NUAK2: variants seen among roughly 807,000 people sequenced by gnomAD.
The protein encoded by NUAK2 is NUAK family kinase 2, also known as NUAK family SNF1-like kinase 2.
NUAK2 carries 20 observed loss-of-function variants against 29.8 expected under a neutral mutation model. The observed-to-expected ratio is 0.67, with a 90% confidence interval of 0.47 to 0.98. The LOEUF (loss-of-function observed/expected upper bound fraction) is 0.98. Among genes scored for constraint, NUAK2 ranks in the 50% least tolerant of loss-of-function variants. NUAK2 has a pLI of 0.00. For synonymous variants in NUAK2, 331 were observed against 342.6 expected (o/e 0.97, Z 0.37); for missense variants, 719 against 834.5 (o/e 0.86, Z 1.71).
chr1:205,303,393 G>A lies in NUAK2; in HGVS notation c.*57C>T, dbSNP rs574970034. The A allele has an allele frequency of 2.3e-5, 34 of 1,447,996 alleles. No homozygotes were observed. In the South Asian group the frequency reaches 4.0e-4, roughly 17 times the overall value. 89.7% of individuals were successfully genotyped at this position (1,447,996 alleles called of 1,614,324 possible). A position where few individuals can be genotyped will look rare whatever the true frequency, so the allele number is the denominator to read the frequency against. On this transcript the variant is annotated 3_prime_UTR_variant, in exon 7 of 7. Transcript: ENST00000367157. ...GGTGGGGGAGAAGGCATCTCCCCTC[G>A]GGGTGCAACCAGCTGCATCTGAGAG...
chr1:205,318,500 C>T (rs976119470), intron 1 of NUAK2, among the ~76,000 whole-genome samples: 15 of 152,216 alleles, frequency 9.9e-5, no homozygotes, highest in African/African-American at 1.4e-4. Context: ...ATGAAGGACT[C>T]GGACCACCTC....
Position 205,308,111 on chromosome 1 carries a change from G to A in NUAK2, c.570+54C>T, listed in dbSNP as rs1662206390. ...TTAGAGCTACTTGGCTGGGGACAGT[G>A]CAGAAAAGCTGGGGTGGGCAAGGAG... On this transcript the variant is annotated intron_variant, in intron 4 of 6. Transcript: ENST00000367157. This position sits in a 1 kb window ranked among gnomAD's most constrained non-coding sequence, Gnocchi z 4.1. The A allele has an allele frequency of 1.6e-6, 2 of 1,228,558 alleles. No homozygotes were observed. Among genetic ancestry groups the A allele is most frequent in the East Asian group, 2.4e-5 (1 of 42,284 alleles). 76.1% of individuals were successfully genotyped at this position (1,228,558 alleles called of 1,614,324 possible).
At chr1:205,313,049 G>GGTTCT (rs1379176744) in intron 1 of NUAK2, among the ~76,000 whole-genome samples, 1 of 152,138 alleles carries the variant, frequency 6.6e-6, no homozygotes, top group Non-Finnish European at 1.5e-5. Flanking sequence ...ACAGAACGGT[G>GGTTCT]GTTACCAGGG....
Position 205,321,611 on chromosome 1 carries a change from G to A in NUAK2, c.18C>T (p.Phe6=). ...AGGGAGTGGGGCCGGAGCGCCGCGC[G>A]AAAACCAGCGACTCCATGGCGAGCA... is the stretch of plus-strand genomic sequence containing the variant. MESLV[F]ARRSGPTPSA... Residue 6 remains phenylalanine (F), a synonymous_variant, in exon 1 of 7, where the codon TTC becomes TTT. Coordinates refer to ENST00000367157, the MANE Select transcript of NUAK2 (RefSeq NM_030952.3). 3.7e-6 allele frequency: 6 copies of A among 1,609,460 alleles called. 1 individual carries two copies. Among genetic ancestry groups the A allele is most frequent in the Non-Finnish European group, 5.1e-6 (6 of 1,179,244 alleles).
At chr1:205,312,529 G>A (rs150729565) in intron 1 of NUAK2, among the ~76,000 whole-genome samples, 7 of 152,302 alleles carry the variant, frequency 4.6e-5, no homozygotes, top group Middle Eastern at 3.4e-3. Flanking sequence ...GTCTGGGTGC[G>A]GTAGCTCAAG....
Position 205,303,608 on chromosome 1 carries a change from G to T in NUAK2, c.1729C>A (p.Leu577Ile). The T allele has an allele frequency of 1.2e-6, 2 of 1,610,684 alleles. No homozygotes were observed. Among genetic ancestry groups the T allele is most frequent in the Non-Finnish European group, 1.7e-6 (2 of 1,178,872 alleles). ...GAGGGGGGCTCCTCAAGCCCCGTGA[G>T]GTTGTCCACAGACACACAGCCCCGC... ...PLRGCVSVDNLTGLEEPPSEG... is the reference protein window; with the variant it reads ...PLRGCVSVDNITGLEEPPSEG... The change falls in exon 7 of 7, where the codon CTC (leucine) becomes ATC (isoleucine). Residue 577 changes from leucine (L) to isoleucine (I), a missense_variant. By Grantham distance (5) the Leu-to-Ile change is conservative (BLOSUM62 2). Around this residue, in one of 3 missense-constraint regions of NUAK2, gnomAD observed 430 missense variants for 465.7 expected, o/e 0.92. Transcript: ENST00000367157.
At chr1:205,307,666 A>C (rs1662200988) in intron 4 of NUAK2, among the ~76,000 whole-genome samples, 1 of 152,238 alleles carries the variant, frequency 6.6e-6, no homozygotes, top group Admixed American at 6.5e-5. Context: ...TAAGCATGGA[A>C]ATCTAGCAGC....
chr1:205,303,372 G>A lies in NUAK2; in HGVS notation c.*78C>T, dbSNP rs535031953. The A allele has an allele frequency of 5.2e-4, 671 of 1,300,358 alleles. 2 individuals carry two copies. In the African/African-American group the frequency reaches 9.2e-3, roughly 18 times the overall value. 80.6% of individuals were successfully genotyped at this position (1,300,358 alleles called of 1,614,324 possible). A position where few individuals can be genotyped will look rare whatever the true frequency, so the allele number is the denominator to read the frequency against. On this transcript the variant is annotated 3_prime_UTR_variant, in exon 7 of 7. Transcript: ENST00000367157. ...GCTGGGATGCAGGTCCTGGGAGGTGGGGGAGAAGGCATCTCCCCTCGGGGT... is the reference window on the plus strand; with the variant it reads ...GCTGGGATGCAGGTCCTGGGAGGTGAGGGAGAAGGCATCTCCCCTCGGGGT...
At chr1:205,316,372 C>T (rs1558676179) in intron 1 of NUAK2, among the ~76,000 whole-genome samples, 1 of 152,166 alleles carries the variant, frequency 6.6e-6, no homozygotes, top group Non-Finnish European at 1.5e-5. Flanking sequence ...GGAGGACTGA[C>T]AATTAATTAA....
Position 205,302,763 on chromosome 1 carries a change from C to CAT in NUAK2, c.*686_*687insAT, listed in dbSNP as rs1558670183. ...AAAATTAGCCGGGCATGGTGGCGGG[C>CAT]GCCTGTAATCCCAGCTACTAGGGAG... On this transcript the variant is annotated 3_prime_UTR_variant, in exon 7 of 7. Coordinates refer to ENST00000367157, the MANE Select transcript of NUAK2 (RefSeq NM_030952.3). 6.6e-6 allele frequency: 1 copy of CAT among 151,868 alleles called. No homozygotes were observed. The highest frequency in any genetic ancestry group is 2.4e-5 in the African/African-American group (1 of 41,288). The allele number at this position is 151,868 out of a possible 1,614,324, so 9.4% of individuals were successfully genotyped here.
At chr1:205,309,192 T>G (rs1662222705) in intron 2 of NUAK2, among the ~76,000 whole-genome samples, 1 of 152,102 alleles carries the variant, frequency 6.6e-6, no homozygotes, top group Non-Finnish European at 1.5e-5. Context: ...TTTCCTCATT[T>G]GAAAAGCAGG....
At chr1:205,310,485 T>C (rs1375025635) in intron 2 of NUAK2, among the ~76,000 whole-genome samples, 1 of 152,192 alleles carries the variant, frequency 6.6e-6, no homozygotes, top group Non-Finnish European at 1.5e-5. Context: ...TTCTTATGTC[T>C]GTTGAATCTG....
Position 205,303,790 on chromosome 1 carries a change from G to A in NUAK2, c.1547C>T (p.Ala516Val), listed in dbSNP as rs35070935. ...CAGGGAGCCGAAGGTGGTGGGGGCCGCGAGCTCCAAGGCTGTCTGGGAGAA... is the reference window on the plus strand; with the variant it reads ...CAGGGAGCCGAAGGTGGTGGGGGCCACGAGCTCCAAGGCTGTCTGGGAGAA... ...GKFSQTALELAAPTTFGSLDE... is the reference protein window; with the variant it reads ...GKFSQTALELVAPTTFGSLDE... Residue 516 changes from alanine (A) to valine (V), a missense_variant, in exon 7 of 7, where the codon GCG becomes GTG. Ala to Val is a moderately conservative substitution (Grantham distance 64). Around this residue, in one of 3 missense-constraint regions of NUAK2, gnomAD observed 430 missense variants for 465.7 expected, o/e 0.92. Transcript: ENST00000367157. 0.027 allele frequency: 41,854 copies of A among 1,564,444 alleles called. 1,997 individuals are homozygous for A. Among genetic ancestry groups the A allele is most frequent in the African/African-American group, 0.16 (11,621 of 73,484 alleles).
intron 1 of NUAK2, among the ~76,000 whole-genome samples, chr1:205,314,151 T>G (rs1341017590): frequency 6.6e-6 from 1 of 152,206 alleles, no homozygotes; most frequent in African/African-American, 2.4e-5. Context: ...TAAGAGGAGC[T>G]GCTCACAATG....
At chr1:205,311,902 C>T in intron 1 of NUAK2, 77 bp from the exon 2 acceptor site, 1 of 1,586,426 alleles carries the variant, frequency 6.3e-7, no homozygotes, top group Non-Finnish European at 8.6e-7. Flanking sequence ...TGGTGGTTTG[C>T]CTGTAGCTGC....
chr1:205,320,559 C>A (rs531377060), intron 1 of NUAK2, among the ~76,000 whole-genome samples: 175 of 152,198 alleles, frequency 1.1e-3, no homozygotes, highest in Non-Finnish European at 2.3e-3. Flanking sequence ...CCACCGCGCC[C>A]GGCTATCTCA....
intron 4 of NUAK2, among the ~76,000 whole-genome samples, chr1:205,307,353 T>C (rs1662195682): frequency 6.6e-6 from 1 of 152,194 alleles, no homozygotes; most frequent in Non-Finnish European, 1.5e-5. Flanking sequence ...TGCCTGATTA[T>C]GCGGGTTTAC....
In NUAK2 at chr1:205,313,760, G is replaced by A. The variant is rs538904780; in HGVS notation, c.232-1935C>T. Among the ~76,000 whole-genome samples the A allele has an allele frequency of 5.9e-5, 9 of 151,848 alleles. No individual in the cohort carries two copies. The South Asian group carries it at 1.5e-3, about 25-fold the overall frequency. On this transcript the variant is annotated intron_variant, in intron 1 of 6. Coordinates refer to ENST00000367157, the MANE Select transcript of NUAK2 (RefSeq NM_030952.3). ...ATGAAATTAGCCGTACAGATGCCAC[G>A]GGGCCCTCAGAGGCTGCAGGGCTAG... is the stretch of plus-strand genomic sequence containing the variant.
chr1:205,316,294 G>A (rs1662328220), intron 1 of NUAK2, among the ~76,000 whole-genome samples: 1 of 152,210 alleles, frequency 6.6e-6, no homozygotes, highest in Non-Finnish European at 1.5e-5. Context: ...TGCCTACCAT[G>A]TGCCTGGCTG....
Sources: allele counts gnomAD v4.1 joint callset (sites outside exome capture counted in the v4.1 genomes callset), GRCh38; gene constraint gnomAD v4.1.1; regional missense constraint gnomAD v4.1.1; non-coding constraint Gnocchi (gnomAD v3.1); transcripts MANE v1.5; gene names NCBI Gene and HGNC (gene_info 2026-07-23, HGNC 2026-07-21).